CLVS1: variants seen among roughly 807,000 people sequenced by gnomAD.
CLVS1 encodes clavesin-1.
Under a neutral mutation model 33.1 loss-of-function variants are expected in CLVS1, and 10 were observed. That is an observed-to-expected ratio of 0.30 (90% CI 0.19 to 0.51). The LOEUF is 0.51. Ranked by LOEUF, CLVS1 falls within the 20% of genes least tolerant of loss-of-function variation. The pLI, the probability that CLVS1 is intolerant of heterozygous loss-of-function variation, is 0.97. For missense variants in CLVS1, 343 were observed against 433.4 expected, an observed-to-expected ratio of 0.79 and a Z score of 1.85; for synonymous variants, 163 against 166.1, an observed-to-expected ratio of 0.98 and a Z score of 0.14.
chr8:60,992,458 G>A, the CLVS1 span, among the ~76,000 whole-genome samples: 4 of 152,194 alleles, frequency 2.6e-5, no homozygotes, highest in Admixed American at 2.0e-4. Flanking sequence ...AAAGACTGCT[G>A]GAATGATCAG....
the CLVS1 span, among the ~76,000 whole-genome samples, chr8:61,023,361 T>C: frequency 6.6e-6 from 1 of 152,240 alleles, no homozygotes; most frequent in Non-Finnish European, 1.5e-5. Flanking sequence ...TTTACACAGC[T>C]TGGAGACGGG....
chr8:60,994,125 A>G, the CLVS1 span, among the ~76,000 whole-genome samples: 1 of 152,186 alleles, frequency 6.6e-6, no homozygotes, highest in Non-Finnish European at 1.5e-5. Context: ...AGGTGTCAGC[A>G]GCATTGGTGT....
At chr8:61,215,722 G>A (rs1038447346) in intron 2 of CLVS1, among the ~76,000 whole-genome samples, 2 of 95,064 alleles carry the variant, frequency 2.1e-5, no homozygotes, top group African/African-American at 1.0e-4. Context: ...GTGTGTGTGT[G>A]TGTGTGTTTT....
chr8:61,402,376 T>C (rs1032623668), intron 3 of CLVS1, among the ~76,000 whole-genome samples: 3 of 152,104 alleles, frequency 2.0e-5, no homozygotes, highest in African/African-American at 7.2e-5. Context: ...GGGATCCTTA[T>C]ACTCCTCACC....
At chr8:61,239,308 G>T (rs545293340) in intron 2 of CLVS1, among the ~76,000 whole-genome samples, 7 of 152,148 alleles carry the variant, frequency 4.6e-5, no homozygotes, top group African/African-American at 1.4e-4. Flanking sequence ...GCTTAACGTT[G>T]GTGGAATCAC....
At chr8:61,167,950 A>G (rs1267844816) in intron 2 of CLVS1, among the ~76,000 whole-genome samples, 1 of 152,220 alleles carries the variant, frequency 6.6e-6, no homozygotes, top group African/African-American at 2.4e-5. Flanking sequence ...AGAAATATCC[A>G]TAAAAACAGG....
intron 2 of CLVS1, among the ~76,000 whole-genome samples, chr8:61,342,499 A>G (rs929947712): frequency 3.3e-5 from 5 of 152,134 alleles, no homozygotes; most frequent in Admixed American, 3.3e-4. Flanking sequence ...TTTTCGCACT[A>G]TGTGTCCTTG....
upstream of CLVS1, among the ~76,000 whole-genome samples, chr8:61,055,947 C>G (rs1486537261): frequency 6.6e-6 from 1 of 152,242 alleles, no homozygotes; most frequent in African/African-American, 2.4e-5. Flanking sequence ...CATGTGGCTC[C>G]CAGCACAGTT....
chr8:61,378,907 G>A lies in CLVS1; in HGVS notation c.630+2128G>A, dbSNP rs149715463. On this transcript the variant is annotated intron_variant, in intron 3 of 5. Coordinates refer to ENST00000325897, the MANE Select transcript of CLVS1 (RefSeq NM_173519.3). ...TTGAAAAAGCCGTAAGTGGTACTAAGCAGAGTTCATTCCTTTGTGGTCAGC... is the reference window on the plus strand; with the variant it reads ...TTGAAAAAGCCGTAAGTGGTACTAAACAGAGTTCATTCCTTTGTGGTCAGC... 1.3e-3 allele frequency among the ~76,000 whole-genome samples: 200 copies of A among 152,284 alleles called. 2 individuals carry two copies. In the Middle Eastern group the frequency reaches 0.037, roughly 28 times the overall value.
chr8:61,394,086 C>T (rs1814417916), intron 3 of CLVS1, among the ~76,000 whole-genome samples: 1 of 152,218 alleles, frequency 6.6e-6, no homozygotes, highest in Admixed American at 6.5e-5. Context: ...GTGGCTCACG[C>T]CTCTAATCCC....
chr8:60,977,704 C>T, the CLVS1 span, among the ~76,000 whole-genome samples: 1 of 152,102 alleles, frequency 6.6e-6, no homozygotes, highest in East Asian at 1.9e-4. Context: ...AACACACCAA[C>T]ATACAAATTA....
the CLVS1 span, among the ~76,000 whole-genome samples, chr8:61,048,497 C>A: frequency 6.6e-6 from 1 of 152,214 alleles, no homozygotes; most frequent in Admixed American, 6.5e-5. Flanking sequence ...CTGAATGCCC[C>A]AGATGCTGTG....
chr8:61,165,301 C>T (rs1039181902), intron 2 of CLVS1, among the ~76,000 whole-genome samples: 6 of 152,152 alleles, frequency 3.9e-5, no homozygotes, highest in African/African-American at 1.4e-4. Flanking sequence ...CTAACAAACA[C>T]GGACCAGAAG....
At chr8:61,026,269 C>G in the CLVS1 span, among the ~76,000 whole-genome samples, 3 of 152,164 alleles carry the variant, frequency 2.0e-5, no homozygotes, top group East Asian at 5.8e-4. Flanking sequence ...CCATCTAAAG[C>G]CAAGGAGAGA....
chr8:61,423,954 A>G (rs1263537597), intron 3 of CLVS1, among the ~76,000 whole-genome samples: 1 of 152,244 alleles, frequency 6.6e-6, no homozygotes, highest in Non-Finnish European at 1.5e-5. Context: ...AGACATGGAA[A>G]CATATATCAA....
At position 61,489,110 on chromosome 8, in the gene CLVS1, A is replaced by G. The variant is rs911491189; in HGVS notation, c.978-10345A>G. Among the ~76,000 whole-genome samples, 4 of 152,332 alleles carry G rather than the reference A, an allele frequency of 2.6e-5. No individual in the cohort carries two copies. In the East Asian group the frequency reaches 7.7e-4, roughly 29 times the overall value. On this transcript the variant is annotated intron_variant, in intron 5 of 5. Coordinates refer to ENST00000325897, the MANE Select transcript of CLVS1 (RefSeq NM_173519.3). ...TAAAGTACGATTCTATAACCTATAC[A>G]TTCTTAGAAAACTTTTTTCTCAATA...
intron 1 of CLVS1, among the ~76,000 whole-genome samples, chr8:61,104,148 C>T (rs982241908): frequency 6.6e-6 from 1 of 152,120 alleles, no homozygotes; most frequent in Admixed American, 6.5e-5. Flanking sequence ...CTTTGAAGAG[C>T]AAAATCATCC....
intron 5 of CLVS1, among the ~76,000 whole-genome samples, chr8:61,459,522 C>T (rs560350123): frequency 2.1e-5 from 3 of 145,644 alleles, no homozygotes; most frequent in African/African-American, 7.5e-5. Context: ...CCCCCCAAGT[C>T]CCCAAAGTCC....
intron 5 of CLVS1, among the ~76,000 whole-genome samples, chr8:61,476,870 T>C (rs530814911): frequency 6.6e-6 from 1 of 152,362 alleles, no homozygotes; most frequent in South Asian, 2.1e-4. Context: ...ATCCCTGTCT[T>C]GTGCCAGTTT....
Sources: allele counts gnomAD v4.1 joint callset (sites outside exome capture counted in the v4.1 genomes callset), GRCh38; gene constraint gnomAD v4.1.1; transcripts MANE v1.5; gene names NCBI Gene and HGNC (gene_info 2026-07-23, HGNC 2026-07-21).